The following TCEA2 variants were observed in gnomAD, a reference collection of about 807,000 sequenced individuals.
The protein encoded by TCEA2 is transcription elongation factor A protein 2.
TCEA2 carries 21 observed loss-of-function variants against 40.8 expected under a neutral mutation model. The observed-to-expected ratio is 0.51, with a 90% confidence interval of 0.36 to 0.74. The LOEUF is 0.74. Ranked by LOEUF, TCEA2 falls within the 30% of genes least tolerant of loss-of-function variation. The pLI, the probability that TCEA2 is intolerant of heterozygous loss-of-function variation, is 0.00. For synonymous variants in TCEA2, 165 were observed against 162.7 expected, an observed-to-expected ratio of 1.01 and a Z score of -0.11; for missense variants, 326 against 426.5, an observed-to-expected ratio of 0.76 and a Z score of 2.08.
intron 1 of TCEA2, among the ~76,000 whole-genome samples, chr20:64,065,367 C>G (rs969204671): frequency 6.6e-6 from 1 of 152,188 alleles, no homozygotes; most frequent in Non-Finnish European, 1.5e-5. Context: ...CTCCCATGGC[C>G]TGTGGGTCGT....
upstream of TCEA2, among the ~76,000 whole-genome samples, chr20:64,059,092 C>G (rs1237895679): frequency 1.3e-5 from 2 of 150,100 alleles, no homozygotes; most frequent in Non-Finnish European, 2.9e-5. Flanking sequence ...ACTTGGGAGG[C>G]TGAGACAAGA....
At position 64,069,394 on chromosome 20, in the gene TCEA2, G is replaced by A. The variant is rs2059772128; in HGVS notation, c.363G>A (p.Ser121=). 6.2e-7 allele frequency: 1 copy of A among 1,608,106 alleles called. No individual in the cohort carries two copies. The highest frequency in any genetic ancestry group is 8.5e-7 in the Non-Finnish European group (1 of 1,177,686). The change falls in exon 5 of 10, where the codon TCG becomes TCA. Residue 121 remains serine (S), a synonymous_variant. Coordinates refer to ENST00000343484, the MANE Select transcript of TCEA2 (RefSeq NM_003195.6). ...RKRPELPRAP[S]TPRITTFPPV... ...GGCCGGAGCTGCCCAGGGCACCGTC[G>A]ACTCCGAGGATCACCACATTTCCTC...
At chr20:64,058,356 C>T (rs531496135), upstream of TCEA2, among the ~76,000 whole-genome samples, 7 of 152,368 alleles carry the variant, frequency 4.6e-5, no homozygotes, top group African/African-American at 1.4e-4. The surrounding 1 kb of genome is among the most constrained non-coding windows in gnomAD (Gnocchi z 6.7). Flanking sequence ...ACCTGCCAGC[C>T]GTTGTCCTTA....
chr20:64,060,253 C>T (rs752495216), upstream of TCEA2, among the ~76,000 whole-genome samples: 2 of 152,198 alleles, frequency 1.3e-5, no homozygotes, highest in Admixed American at 6.5e-5. Flanking sequence ...GTCTCCCCCC[C>T]ACCCCCAGCT....
Position 64,068,164 on chromosome 20 carries a change from C to G in TCEA2, c.329+30C>G, listed in dbSNP as rs376517066. The stretch of plus-strand genomic sequence containing the variant: ...CACACCTGGAAGGCAGGTGCACACA[C>G]TTCTGCTTCCCAGCCTGTTTCCTTG... On this transcript the variant is annotated intron_variant, in intron 4 of 9. Coordinates refer to ENST00000343484, the MANE Select transcript of TCEA2 (RefSeq NM_003195.6). 3.2e-6 allele frequency: 5 copies of G among 1,565,386 alleles called. No individual in the cohort carries two copies. The East Asian group carries it at 9.0e-5, about 28-fold the overall frequency.
rs767883408 is a variant in TCEA2 at position 64,068,073 on chromosome 20, C to T, written c.268C>T (p.Arg90Trp). Residue 90 changes from arginine to tryptophan, a missense_variant, in exon 4 of 10, where the codon CGG becomes TGG. By Grantham distance (101) the Arg-to-Trp change is moderately radical. Coordinates refer to ENST00000343484, the MANE Select transcript of TCEA2 (RefSeq NM_003195.6). Reference protein sequence around the residue: ...LDASDAKARERGRGMPLPTSS... With the variant: ...LDASDAKAREWGRGMPLPTSS... Reference sequence around the variant, plus strand: ...TGCTTCCGATGCCAAAGCCAGGGAGCGGGGGAGGGGCATGCCTCTGCCCAC... The same window carrying T: ...TGCTTCCGATGCCAAAGCCAGGGAGTGGGGGAGGGGCATGCCTCTGCCCAC... 48 of 1,606,246 alleles carry T rather than the reference C, an allele frequency of 3.0e-5. No individual in the cohort carries two copies. Among genetic ancestry groups the T allele is most frequent in the Middle Eastern group, 3.5e-4 (2 of 5,684 alleles).
rs767475110 is a variant in TCEA2 at position 64,071,855 on chromosome 20, C to T, written c.820-15C>T. ...GCATGGAGGTGACCCTGGGTTCACCCAGCCCTGTTCACAGGTGCAGACCCG... is the reference window on the plus strand; with the variant it reads ...GCATGGAGGTGACCCTGGGTTCACCTAGCCCTGTTCACAGGTGCAGACCCG... On this transcript the variant is annotated splice_polypyrimidine_tract_variant and intron_variant, in intron 8 of 9. Transcript: ENST00000343484. 1.2e-6 allele frequency: 2 copies of T among 1,613,710 alleles called. No homozygotes were observed. The highest frequency in any genetic ancestry group is 1.7e-6 in the Non-Finnish European group (2 of 1,179,920).
rs1457377585 is a variant in TCEA2, at chr20:64,063,428, C to T, written c.72+44C>T. ...CAGGACCCCGGGAACCCCGCCCCGC[C>T]GAGACCCCGTCGAGCCCGCCGACCC... is the stretch of plus-strand genomic sequence containing the variant. On this transcript the variant is annotated intron_variant, in intron 1 of 9. Coordinates refer to ENST00000343484, the MANE Select transcript of TCEA2 (RefSeq NM_003195.6). 4 of 1,537,640 alleles carry T rather than the reference C, an allele frequency of 2.6e-6. No individual in the cohort carries two copies. In the Admixed American group the frequency reaches 5.9e-5, roughly 23 times the overall value.
At chr20:64,058,890 C>G (rs1011520626), upstream of TCEA2, among the ~76,000 whole-genome samples, 2 of 151,978 alleles carry the variant, frequency 1.3e-5, no homozygotes, top group African/African-American at 2.4e-5. The surrounding 1 kb of genome is among the most constrained non-coding windows in gnomAD (Gnocchi z 6.7). Flanking sequence ...TGCTAGAGGT[C>G]GGTATAAAGG....
At chr20:64,062,947 C>G (rs1024140823), upstream of TCEA2, 12 of 166,404 alleles carry the variant, frequency 7.2e-5, no homozygotes, top group Admixed American at 3.2e-4. Flanking sequence ...CCCGGTCGCT[C>G]CGGGATGTCT....
chr20:64,071,742 G>GTTTGGA (rs2145520138), intron 8 of TCEA2, 128 bp from the exon 9 acceptor site: 1 of 1,068,400 alleles, frequency 9.4e-7, no homozygotes, highest in East Asian at 2.6e-5. Flanking sequence ...TTGGAGTCAC[G>GTTTGGA]AGGCGGCCTC....
At chr20:64,064,544 G>A (rs1481081877) in intron 1 of TCEA2, among the ~76,000 whole-genome samples, 2 of 152,194 alleles carry the variant, frequency 1.3e-5, no homozygotes, top group Non-Finnish European at 2.9e-5. Flanking sequence ...CCTGGGGCAG[G>A]GCCAGCTGTG....
chr20:64,057,758 T>G (rs1236598375), intron 1 of TCEA2: 1 of 152,254 alleles, frequency 6.6e-6, no homozygotes, highest in Non-Finnish European at 1.5e-5. Context: ...CTGGGGAGTT[T>G]CAGGGTTGGT....
chr20:64,064,835 T>C (rs968595012), intron 1 of TCEA2, among the ~76,000 whole-genome samples: 2 of 152,148 alleles, frequency 1.3e-5, no homozygotes, highest in African/African-American at 4.8e-5. Context: ...CTGCGAACCA[T>C]TCATAGCTGT....
upstream of TCEA2, chr20:64,063,177 T>C: frequency 1.3e-6 from 1 of 758,348 alleles, no homozygotes; most frequent in South Asian, 5.6e-5. Context: ...GCCGAGGGTT[T>C]GAACCGGGGG....
chr20:64,066,411 AG>A lies in TCEA2; in HGVS notation c.73-64del, dbSNP rs2059695072. The stretch of plus-strand genomic sequence containing the variant: ...TGCCTTGTGTTCTCCTCCAGTAGGC[AG>A]AAGGAGGTGATATTGTCTGTTGAGA... On this transcript the variant is annotated intron_variant, in intron 1 of 9. Transcript: ENST00000343484. 3.8e-6 allele frequency: 6 copies of A among 1,559,208 alleles called. No homozygotes were observed. The Admixed American group carries it at 1.0e-4, about 26-fold the overall frequency.
upstream of TCEA2, among the ~76,000 whole-genome samples, chr20:64,059,211 AAAAAG>A (rs2059517354): frequency 6.6e-6 from 1 of 151,518 alleles, no homozygotes; most frequent in African/African-American, 2.4e-5. Flanking sequence ...AAAAAAAAAA[AAAAAG>A]GAGATGATGG....
intron 1 of TCEA2, 88 bp from the exon 2 acceptor site, chr20:64,066,388 C>G: frequency 6.7e-7 from 1 of 1,494,390 alleles, no homozygotes; most frequent in Non-Finnish European, 9.3e-7. Flanking sequence ...ATTGTCACTG[C>G]CTTGTGTTCT....
At chr20:64,066,762 G>T (rs1279864836) in intron 2 of TCEA2, among the ~76,000 whole-genome samples, 153 bp from the exon 3 acceptor site, 2 of 152,208 alleles carry the variant, frequency 1.3e-5, no homozygotes, top group African/African-American at 4.8e-5. Context: ...AGGCTCCTGG[G>T]TTCCAAATGG....
Sources: gnomAD v4.1 joint callset for allele counts (sites outside exome capture counted in the v4.1 genomes callset) on GRCh38, gnomAD v4.1.1 for gene constraint, Gnocchi (gnomAD v3.1) non-coding constraint, MANE v1.5 for transcripts, NCBI Gene and HGNC (gene_info 2026-07-23, HGNC 2026-07-21) for gene names.